Variants in ZNF141 observed in about 807,000 individuals in gnomAD.
The protein encoded by ZNF141 is zinc finger protein 141.
In ZNF141, 7 loss-of-function variants were observed where a neutral mutation model predicts 11.3. That is an observed-to-expected ratio of 0.62 (90% CI 0.35 to 1.16). The LOEUF (loss-of-function observed/expected upper bound fraction) is 1.16. ZNF141 is among the 50% of genes most tolerant of loss of function. The probability of loss-of-function intolerance (pLI) is 0.02; values close to 1 mark genes in which losing one functional copy is unlikely to be tolerated. For synonymous variants in ZNF141, 183 were observed against 190.7 expected (o/e 0.96, Z 0.33); for missense variants, 535 against 554.0 (o/e 0.97, Z 0.34).
At chr4:354,223 C>G (rs1038637295) in intron 3 of ZNF141, among the ~76,000 whole-genome samples, 1 of 152,176 alleles carries the variant, frequency 6.6e-6, no homozygotes, top group Admixed American at 6.5e-5. Flanking sequence ...CAACTGTGCA[C>G]TGATCCTCAC....
At chr4:349,962 TG>T (rs1352226406) in intron 3 of ZNF141, among the ~76,000 whole-genome samples, 1 of 151,820 alleles carries the variant, frequency 6.6e-6, no homozygotes, top group Non-Finnish European at 1.5e-5. Flanking sequence ...TGTGTACAAC[TG>T]GCCATGGACT....
At chr4:338,157 C>G (rs1324811392) in intron 1 of ZNF141, 171 bp downstream of exon 1, 9 of 781,236 alleles carry the variant, frequency 1.2e-5, no homozygotes, top group African/African-American at 1.8e-5. Flanking sequence ...CGCACAGCGG[C>G]TCTGGCCCAG....
chr4:364,994 A>G (rs1382978926), intron 3 of ZNF141, among the ~76,000 whole-genome samples: 5 of 152,218 alleles, frequency 3.3e-5, no homozygotes, highest in African/African-American at 4.8e-5. Context: ...GCCCAGTTCA[A>G]GCTTCCCTGG....
At position 374,028 on chromosome 4, in the gene ZNF141, G is replaced by T. The variant is rs7699503; in HGVS notation, c.*166G>T. The T allele has an allele frequency of 1.5e-6, 1 of 680,892 alleles. No homozygotes were observed. The highest frequency in any genetic ancestry group is 2.5e-6 in the Non-Finnish European group (1 of 393,716). 42.2% of individuals were successfully genotyped at this position (680,892 alleles called of 1,614,324 possible). A position where few individuals can be genotyped will look rare whatever the true frequency, so the allele number is the denominator to read the frequency against. ...TGATAAACATAAGAGAATTCATACC[G>T]GAGAGAAACTGTACAAATGTGAAGA... is the stretch of plus-strand genomic sequence containing the variant. On this transcript the variant is annotated 3_prime_UTR_variant, in exon 4 of 4. Coordinates refer to ENST00000240499, the MANE Select transcript of ZNF141 (RefSeq NM_003441.4).
chr4:371,730 C>T (rs1352641941), intron 3 of ZNF141, among the ~76,000 whole-genome samples: 3 of 151,584 alleles, frequency 2.0e-5, no homozygotes, highest in Admixed American at 1.3e-4. Flanking sequence ...TTAGTAGGGA[C>T]GGTGATTCAC....
At position 343,797 on chromosome 4, in the gene ZNF141, A is replaced by G. The variant is rs1213941140; in HGVS notation, c.19A>G (p.Arg7Gly). Residue 7 changes from arginine (R) to glycine (G), a missense_variant, in exon 2 of 4, where the codon AGG becomes GGG. Physicochemically the swap from Arg to Gly is moderately radical, Grantham distance 125. Coordinates refer to ENST00000240499, the MANE Select transcript of ZNF141 (RefSeq NM_003441.4). MELLTF[R>G]DVAIEFSPEE... is the part of the protein sequence containing the mutation. The stretch of plus-strand genomic sequence containing the variant: ...GTATTTTCAGGAACTCTTAACATTC[A>G]GGGATGTGGCCATAGAATTCTCTCC... 1.3e-5 allele frequency: 20 copies of G among 1,587,214 alleles called. No homozygotes were observed. Among genetic ancestry groups the G allele is most frequent in the Non-Finnish European group, 1.6e-5 (19 of 1,172,014 alleles).
intron 3 of ZNF141, among the ~76,000 whole-genome samples, chr4:359,374 T>G (rs1433110452): frequency 1.3e-5 from 2 of 152,240 alleles, no homozygotes; most frequent in East Asian, 3.8e-4. Flanking sequence ...CTCCTGCTGT[T>G]TGGCTCTTGC....
intron 3 of ZNF141, among the ~76,000 whole-genome samples, chr4:370,605 AC>A (rs1560197328): frequency 6.6e-6 from 1 of 152,220 alleles, no homozygotes; most frequent in Non-Finnish European, 1.5e-5. Flanking sequence ...GAGCATACTT[AC>A]AAATCACACA....
chr4:383,202 G>A lies in ZNF141; in HGVS notation c.*9340G>A. Reference sequence around the variant, plus strand: ...CAGACAGCTCACTCACAGAAGCAGAGCCACCTAATTCACCAGCATCTAACC... The same window carrying A: ...CAGACAGCTCACTCACAGAAGCAGAACCACCTAATTCACCAGCATCTAACC... On this transcript the variant is annotated 3_prime_UTR_variant, in exon 4 of 4. Transcript: ENST00000240499. 2 of 698,188 alleles carry A rather than the reference G, an allele frequency of 2.9e-6. No homozygotes were observed. The highest frequency in any genetic ancestry group is 2.7e-5 in the East Asian group (1 of 37,182). 43.2% of individuals were successfully genotyped at this position (698,188 alleles called of 1,614,324 possible).
intron 3 of ZNF141, chr4:350,184 A>G (rs782009980): frequency 3.7e-6 from 2 of 534,726 alleles, no homozygotes; most frequent in East Asian, 1.1e-4. Context: ...TCAGTGTGCC[A>G]TTTCCTTGTC....
rs1712154069 is a variant in ZNF141, at chr4:373,031, C to T, written c.594C>T (p.Pro198=). The T allele has an allele frequency of 6.2e-7, 1 of 1,613,988 alleles. No homozygotes were observed. Among genetic ancestry groups the T allele is most frequent in the East Asian group, 2.2e-5 (1 of 44,856 alleles). Residue 198 remains proline (P), a synonymous_variant, in exon 4 of 4, where the codon CCC becomes CCT. Coordinates refer to ENST00000240499, the MANE Select transcript of ZNF141 (RefSeq NM_003441.4). ...QHKVIHAGEK[P]YTCEECGKAF... ...AGGTAATTCATGCTGGAGAGAAACC[C>T]TACACTTGTGAAGAATGTGGCAAAG...
At chr4:338,643 TGAG>T (rs1170556572) in intron 1 of ZNF141, 2 of 153,046 alleles carry the variant, frequency 1.3e-5, no homozygotes, top group African/African-American at 4.8e-5. Flanking sequence ...TTATTGAACT[TGAG>T]GAGGGTGTGG....
At position 337,872 on chromosome 4, in the gene ZNF141, C is replaced by G. The variant is rs1405273816; in HGVS notation, c.-112C>G. 9 of 1,397,724 alleles carry G rather than the reference C, an allele frequency of 6.4e-6. No individual in the cohort carries two copies. The highest frequency in any genetic ancestry group is 3.2e-5 in the African/African-American group (2 of 61,920). The allele number at this position is 1,397,724 out of a possible 1,614,324, so 86.6% of individuals were successfully genotyped here. On this transcript the variant is annotated 5_prime_UTR_variant, in exon 1 of 4. Transcript: ENST00000240499. ...TAGGGGCTTCATCTCTCTGCGTTCT[C>G]AGTTGTGGGAGGCCTTGGTGATTCG...
chr4:339,244 T>C (rs1175579545), intron 1 of ZNF141, among the ~76,000 whole-genome samples: 3 of 152,346 alleles, frequency 2.0e-5, no homozygotes, highest in African/African-American at 7.2e-5. Context: ...GTAGCAGGAA[T>C]CTGTTTTCTT....
chr4:339,865 T>C (rs1226165536), intron 1 of ZNF141, among the ~76,000 whole-genome samples: 2 of 150,966 alleles, frequency 1.3e-5, no homozygotes, highest in Non-Finnish European at 2.9e-5. Flanking sequence ...CTACCTCCTG[T>C]CCTGAAGCTG....
At chr4:368,105 G>GTA (rs1581619787) in intron 3 of ZNF141, among the ~76,000 whole-genome samples, 1 of 152,164 alleles carries the variant, frequency 6.6e-6, no homozygotes, top group Non-Finnish European at 1.5e-5. Context: ...TATATCTCAT[G>GTA]TAAGTTGACT....
chr4:343,011 AG>A, intron 1 of ZNF141: 2 of 716,982 alleles, frequency 2.8e-6, no homozygotes. Flanking sequence ...GTATTAAAAA[AG>A]TTCCTTGCAT....
At chr4:361,186 G>A (rs1481015203) in intron 3 of ZNF141, among the ~76,000 whole-genome samples, 9 of 152,136 alleles carry the variant, frequency 5.9e-5, no homozygotes, top group Admixed American at 3.3e-4. Context: ...TTTATCTTAC[G>A]AAAGTAAAAT....
chr4:374,368 G>A lies in ZNF141; in HGVS notation c.*506G>A, dbSNP rs1365538935. ...AAGTGAATTCATGCTGGAGCAAAAT[G>A]CTTCACATGCGAAGAATGTGGCACA... On this transcript the variant is annotated 3_prime_UTR_variant, in exon 4 of 4. Coordinates refer to ENST00000240499, the MANE Select transcript of ZNF141 (RefSeq NM_003441.4). The A allele has an allele frequency of 8.5e-6, 3 of 354,020 alleles. No individual in the cohort carries two copies. The highest frequency in any genetic ancestry group is 2.1e-5 in the African/African-American group (1 of 46,992). 21.9% of individuals were successfully genotyped at this position (354,020 alleles called of 1,614,324 possible).
Sources: gnomAD v4.1 joint callset for allele counts (sites outside exome capture counted in the v4.1 genomes callset) on GRCh38, gnomAD v4.1.1 for gene constraint, MANE v1.5 for transcripts, NCBI Gene and HGNC (gene_info 2026-07-23, HGNC 2026-07-21) for gene names.